The following LIPJ variants were observed in gnomAD, a reference collection of about 807,000 sequenced individuals.
LIPJ encodes the protein lipase member J.
A neutral mutation model predicts 39.8 loss-of-function variants in LIPJ; 33 were observed. The observed-to-expected ratio is 0.83, with a 90% CI of 0.63 to 1.11. The LOEUF (loss-of-function observed/expected upper bound fraction) is 1.11. Ranked by LOEUF, LIPJ falls within the 50% of genes least tolerant of loss-of-function variation. The pLI is 0.00. For missense variants in LIPJ, 422 were observed against 427.9 expected (o/e 0.99, Z 0.12); for synonymous variants, 128 against 139.2 (o/e 0.92, Z 0.57).
At chr10:88,600,800 A>G (rs565948482) in intron 8 of LIPJ, among the ~76,000 whole-genome samples, 2 of 152,154 alleles carry the variant, frequency 1.3e-5, no homozygotes, top group African/African-American at 4.8e-5. Context: ...ATTGGTTCAC[A>G]CTTCTGGAGG....
At chr10:88,582,952 C>G (rs1850724773), upstream of LIPJ, 9 of 1,183,932 alleles carry the variant, frequency 7.6e-6, no homozygotes, top group South Asian at 1.5e-4. Flanking sequence ...GCTACACGGC[C>G]GCTCAGGGAG....
upstream of LIPJ, chr10:88,585,578 CA>C (rs1564928267): frequency 6.6e-6 from 1 of 151,526 alleles, no homozygotes; most frequent in Non-Finnish European, 1.5e-5. Context: ...TTTAACATTT[CA>C]AAGAGTAATT....
At chr10:88,611,059 G>A (rs1851745281), downstream of LIPJ, among the ~76,000 whole-genome samples, 1 of 152,152 alleles carries the variant, frequency 6.6e-6, no homozygotes, top group Non-Finnish European at 1.5e-5. Flanking sequence ...ATCCACAGCT[G>A]CAAGACCTGA....
At chr10:88,619,836 G>C in the LIPJ span, among the ~76,000 whole-genome samples, 1 of 151,938 alleles carries the variant, frequency 6.6e-6, no homozygotes, top group Non-Finnish European at 1.5e-5. Context: ...TTGTGATCTT[G>C]AGTCAGGCAA....
At chr10:88,583,242 C>A (rs750177154), upstream of LIPJ, 36 of 1,602,610 alleles carry the variant, frequency 2.2e-5, no homozygotes, top group Non-Finnish European at 3.0e-5. Context: ...GGCCGTTCGG[C>A]CCGGGCTTTC....
At chr10:88,590,748 T>C in intron 3 of LIPJ, 52 bp downstream of exon 3, 1 of 1,452,994 alleles carries the variant, frequency 6.9e-7, no homozygotes, top group Non-Finnish European at 9.6e-7. Flanking sequence ...AGAATGCTAC[T>C]TTTCAAATTT....
At chr10:88,613,376 C>A in the LIPJ span, among the ~76,000 whole-genome samples, 1 of 151,788 alleles carries the variant, frequency 6.6e-6, no homozygotes, top group Non-Finnish European at 1.5e-5. Context: ...CAGGTTTACC[C>A]AGTGAATGCT....
At chr10:88,602,045 C>T in intron 8 of LIPJ, among the ~76,000 whole-genome samples, 1 of 152,012 alleles carries the variant, frequency 6.6e-6, no homozygotes. Context: ...ATTTGAGGCC[C>T]TTATGGAGAG....
chr10:88,606,639 C>T (rs1360440071), intron 10 of LIPJ, 35 bp from the exon 11 acceptor site: 6 of 1,286,858 alleles, frequency 4.7e-6, no homozygotes, highest in Admixed American at 1.8e-5. Context: ...GTATCATCTC[C>T]TATGAAAACT....
downstream of LIPJ, among the ~76,000 whole-genome samples, chr10:88,609,219 G>A (rs112636743): frequency 3.8e-3 from 582 of 152,316 alleles, 1 homozygote; most frequent in African/African-American, 8.0e-3. Flanking sequence ...AATAAAATAT[G>A]TGTATAGGTT....
At chr10:88,584,520 C>T (rs561585808), upstream of LIPJ, 19 of 152,208 alleles carry the variant, frequency 1.2e-4, no homozygotes, top group African/African-American at 4.3e-4. Flanking sequence ...AAAAGAAATA[C>T]GTAAGTCCAA....
At chr10:88,606,701 A>G in exon 11 of LIPJ, 1 of 1,612,838 alleles carries the variant, frequency 6.2e-7, no homozygotes, top group Non-Finnish European at 8.5e-7. Context: ...CAACATGACA[A>G]ACATGAATGT....
At chr10:88,608,441 A>G (rs952877720), downstream of LIPJ, among the ~76,000 whole-genome samples, 4 of 152,222 alleles carry the variant, frequency 2.6e-5, no homozygotes, top group Non-Finnish European at 4.4e-5. Context: ...CCTTAAAAAA[A>G]TTGCATGCAA....
At chr10:88,622,791 A>G in the LIPJ span, among the ~76,000 whole-genome samples, 3 of 152,130 alleles carry the variant, frequency 2.0e-5, no homozygotes, top group Non-Finnish European at 4.4e-5. Flanking sequence ...TGGAGAGCTT[A>G]GAGCAAAGAG....
chr10:88,596,184 A>G, intron 6 of LIPJ, 96 bp from the exon 7 acceptor site: 1 of 812,978 alleles, frequency 1.2e-6, no homozygotes, highest in East Asian at 3.3e-5. Context: ...TTCAGAAACT[A>G]TTTTTGAACT....
In LIPJ at chr10:88,605,678, G is replaced by C; in HGVS notation, c.841G>C (p.Asp281His). ...GAAAGCTTATGACTGGGGCAGTCCT[G>C]ATCTGAACTTGGTTCATTATAATCA... is the stretch of plus-strand genomic sequence containing the variant. Residue 281 changes from aspartate (D) to histidine (H), a missense_variant, in exon 10 of 11, where the codon GAT (aspartate) becomes CAT (histidine). Physicochemically the swap from Asp to His is moderately conservative, Grantham distance 81. Transcript: ENST00000371939. 1.1e-5 allele frequency: 17 copies of C among 1,611,610 alleles called. No individual in the cohort carries two copies. Among genetic ancestry groups the C allele is most frequent in the Non-Finnish European group, 1.4e-5 (17 of 1,178,248 alleles).
chr10:88,587,852 T>C (rs1397159373), intron 2 of LIPJ, among the ~76,000 whole-genome samples: 2 of 152,098 alleles, frequency 1.3e-5, no homozygotes, highest in Non-Finnish European at 2.9e-5. Context: ...GGTAATATTT[T>C]AATCTAGTAG....
chr10:88,609,653 C>T (rs575063163), downstream of LIPJ, among the ~76,000 whole-genome samples: 19 of 152,276 alleles, frequency 1.2e-4, no homozygotes, highest in Admixed American at 2.6e-4. Flanking sequence ...GTAATCCCAG[C>T]ACTTTGAGAG....
chr10:88,621,323 T>C, the LIPJ span, among the ~76,000 whole-genome samples: 2 of 152,142 alleles, frequency 1.3e-5, no homozygotes, highest in African/African-American at 2.4e-5. Context: ...GAAATACTAG[T>C]TACCAATAAA....
Sources: allele counts gnomAD v4.1 joint callset (sites outside exome capture counted in the v4.1 genomes callset), GRCh38; gene constraint gnomAD v4.1.1; transcripts MANE v1.5; gene names NCBI Gene and HGNC (gene_info 2026-07-23, HGNC 2026-07-21).